PLEKHM1: variants seen among roughly 807,000 people sequenced by gnomAD.
PLEKHM1 encodes the protein pleckstrin homology domain-containing family M member 1.
PLEKHM1 carries 28 observed loss-of-function variants against 94.3 expected under a neutral mutation model. That is an observed-to-expected ratio of 0.30 (90% confidence interval 0.22 to 0.41). The LOEUF (loss-of-function observed/expected upper bound fraction) is 0.41, where lower values mean the gene tolerates loss of function less well. Ranked by LOEUF, PLEKHM1 falls within the 10% of genes least tolerant of loss-of-function variation. The probability of loss-of-function intolerance (pLI) is 1.00; values close to 1 mark genes in which losing one functional copy is unlikely to be tolerated. For missense variants in PLEKHM1, 907 were observed against 1,358.6 expected (o/e 0.67, Z 5.22); for synonymous variants, 424 against 581.2 (o/e 0.73, Z 3.89).
intron 4 of PLEKHM1, among the ~76,000 whole-genome samples, chr17:45,471,094 CA>C (rs1384811627): frequency 6.6e-6 from 1 of 152,080 alleles, no homozygotes; most frequent in Non-Finnish European, 1.5e-5. Context: ...TACAAATCAA[CA>C]ATAAAAAGAC....
chr17:45,436,873 C>T lies in PLEKHM1; in HGVS notation c.*985G>A, dbSNP rs2050273700. ...ACAGTGCAGGGCGTGGCTGCCTGCCCTCTCTGGGGTCCTGCCTATCTGTGC... is the reference window on the plus strand; with the variant it reads ...ACAGTGCAGGGCGTGGCTGCCTGCCTTCTCTGGGGTCCTGCCTATCTGTGC... On this transcript the variant is annotated 3_prime_UTR_variant, in exon 12 of 12. Coordinates refer to ENST00000430334, the MANE Select transcript of PLEKHM1 (RefSeq NM_014798.3). The T allele has an allele frequency of 2.2e-6, 1 of 453,106 alleles. No homozygotes were observed. The highest frequency in any genetic ancestry group is 2.0e-5 in the African/African-American group (1 of 49,990). The allele number at this position is 453,106 out of a possible 1,614,324, so 28.1% of individuals were successfully genotyped here. A position where few individuals can be genotyped will look rare whatever the true frequency, so the allele number is the denominator to read the frequency against.
chr17:45,443,931 G>T (rs2050524640), intron 9 of PLEKHM1, among the ~76,000 whole-genome samples: 1 of 152,106 alleles, frequency 6.6e-6, no homozygotes, highest in African/African-American at 2.4e-5. Context: ...CCACATGGTG[G>T]TCCCTGGAAG....
chr17:45,442,470 A>T (rs1254106637), intron 9 of PLEKHM1, among the ~76,000 whole-genome samples: 2 of 152,012 alleles, frequency 1.3e-5, no homozygotes, highest in Admixed American at 1.3e-4. Context: ...CAGTGGCGTG[A>T]TCTTGGCTCA....
intron 5 of PLEKHM1, among the ~76,000 whole-genome samples, chr17:45,464,665 A>G (rs73984401): frequency 6.6e-5 from 10 of 152,130 alleles, no homozygotes; most frequent in African/African-American, 2.2e-4. Context: ...AGATTCTCAC[A>G]TCGGATTCAG....
chr17:45,475,217 T>C lies in PLEKHM1; in HGVS notation c.806A>G (p.Asp269Gly), dbSNP rs780629300. Residue 269 changes from aspartate (D) to glycine (G), a missense_variant, in exon 4 of 12, where the codon GAT becomes GGT. By Grantham distance (94) the Asp-to-Gly change is moderately conservative. Around this residue, in one of 3 missense-constraint regions of PLEKHM1, gnomAD observed 477 missense variants for 601.5 expected, o/e 0.79. Coordinates refer to ENST00000430334, the MANE Select transcript of PLEKHM1 (RefSeq NM_014798.3). ...SSQLSCSLNS[D>G]SCLLQENGSK... ...GCCATTCTCTTGGAGTAAGCAGCTA[T>C]CAGAGTTTAGGCTGCAGGACAGCTG... 1.2e-6 allele frequency: 2 copies of C among 1,613,934 alleles called. No individual in the cohort carries two copies. The highest frequency in any genetic ancestry group is 1.1e-5 in the South Asian group (1 of 91,080).
rs966203466 is a variant in PLEKHM1, at chr17:45,437,632, G to C, written c.*226C>G. ...CTGCCCCAGACAGGGAGCATCTGGT[G>C]GTGGCCACGCCTCCTGCAGCAGAGG... On this transcript the variant is annotated 3_prime_UTR_variant, in exon 12 of 12. Coordinates refer to ENST00000430334, the MANE Select transcript of PLEKHM1 (RefSeq NM_014798.3). This position sits in a 1 kb window ranked among gnomAD's most constrained non-coding sequence, Gnocchi z 4.0. The C allele has an allele frequency of 1.5e-6, 1 of 677,752 alleles. No individual in the cohort carries two copies. Among genetic ancestry groups the C allele is most frequent in the African/African-American group, 1.8e-5 (1 of 56,586 alleles). 42.0% of individuals were successfully genotyped at this position (677,752 alleles called of 1,614,324 possible). A position where few individuals can be genotyped will look rare whatever the true frequency, so the allele number is the denominator to read the frequency against.
At position 45,437,079 on chromosome 17, in the gene PLEKHM1, C is replaced by T. The variant is rs1259102584; in HGVS notation, c.*779G>A. 6.6e-6 allele frequency: 3 copies of T among 454,394 alleles called. No individual in the cohort carries two copies. Among genetic ancestry groups the T allele is most frequent in the East Asian group, 6.9e-5 (1 of 14,410 alleles). 28.1% of individuals were successfully genotyped at this position (454,394 alleles called of 1,614,324 possible). On this transcript the variant is annotated 3_prime_UTR_variant, in exon 12 of 12. Transcript: ENST00000430334. This position sits in a 1 kb window ranked among gnomAD's most constrained non-coding sequence, Gnocchi z 4.0. The stretch of plus-strand genomic sequence containing the variant: ...TCAAAGTGCTGACAGTGCTGGTTTC[C>T]AGTCATTTCTCCTTCTCCTAATGGG...
At position 45,475,726 on chromosome 17, in the gene PLEKHM1, T is replaced by C. The variant is rs907341102; in HGVS notation, c.297A>G (p.Lys99=). 5.0e-6 allele frequency: 8 copies of C among 1,602,354 alleles called. No homozygotes were observed. The highest frequency in any genetic ancestry group is 1.3e-5 in the African/African-American group (1 of 74,554). Residue 99 remains lysine (K), a splice_region_variant and synonymous_variant, in exon 4 of 12, where the codon AAA becomes AAG. Transcript: ENST00000430334. ...GGTGCTCCAACTCTGAGATGATGTG[T>C]CTGGGAAGGGAGAACAGACGTGTTT... The part of the protein sequence containing the change: ...FWPLLKAVTH[K]HIISELEHLT...
chr17:45,488,652 C>T (rs1043618268), intron 1 of PLEKHM1, among the ~76,000 whole-genome samples: 6 of 152,162 alleles, frequency 3.9e-5, no homozygotes, highest in Non-Finnish European at 1.5e-5. Flanking sequence ...TTTAAAACTG[C>T]AATCAGCCAG....
chr17:45,486,023 T>C (rs1181980532), intron 1 of PLEKHM1, among the ~76,000 whole-genome samples: 1 of 150,318 alleles, frequency 6.7e-6, no homozygotes, highest in African/African-American at 2.4e-5. Flanking sequence ...GAGACCATCC[T>C]GGCTAACACG....
Position 45,437,803 on chromosome 17 carries a change from G to T in PLEKHM1, c.*55C>A. ...CCTGGGCTGATGGCAAACCCAGCCG[G>T]GATGGCTGAGCCACACTCACCCCCG... On this transcript the variant is annotated 3_prime_UTR_variant, in exon 12 of 12. Coordinates refer to ENST00000430334, the MANE Select transcript of PLEKHM1 (RefSeq NM_014798.3). The surrounding 1 kb of genome is among the most constrained non-coding windows in gnomAD (Gnocchi z 4.0). The T allele has an allele frequency of 7.2e-7, 1 of 1,382,398 alleles. No individual in the cohort carries two copies. The highest frequency in any genetic ancestry group is 1.0e-6 in the Non-Finnish European group (1 of 968,866). The allele number at this position is 1,382,398 out of a possible 1,614,324, so 85.6% of individuals were successfully genotyped here.
chr17:45,451,630 G>T (rs1241877544), intron 7 of PLEKHM1, among the ~76,000 whole-genome samples: 1 of 151,998 alleles, frequency 6.6e-6, no homozygotes, highest in Non-Finnish European at 1.5e-5. Flanking sequence ...ATGAGACAAG[G>T]TTCTGCAAGT....
rs750352207 is a variant in PLEKHM1, at chr17:45,439,637, G to C, written c.2902-3C>G. The C allele has an allele frequency of 6.2e-7, 1 of 1,613,792 alleles. No homozygotes were observed. Among genetic ancestry groups the C allele is most frequent in the Non-Finnish European group, 8.5e-7 (1 of 1,179,936 alleles). On this transcript the variant is annotated splice_polypyrimidine_tract_variant and splice_region_variant and intron_variant, in intron 10 of 11. Coordinates refer to ENST00000430334, the MANE Select transcript of PLEKHM1 (RefSeq NM_014798.3). ...CCTTCATACACCCCGTCTGCGATCT[G>C]CGGAGGGCAAGTAGGAATCCTTCAT...
rs186851468 is a variant in PLEKHM1 at position 45,477,304 on chromosome 17, C to T, written c.296+596G>A. 1.3e-4 allele frequency: 22 copies of T among 174,698 alleles called. No individual in the cohort carries two copies. The East Asian group carries it at 2.8e-3, about 22-fold the overall frequency. 10.8% of individuals were successfully genotyped at this position (174,698 alleles called of 1,614,324 possible). On this transcript the variant is annotated intron_variant, in intron 3 of 11. Coordinates refer to ENST00000430334, the MANE Select transcript of PLEKHM1 (RefSeq NM_014798.3). ...CAAAAATTAGCTGGGCGTGATGGTG[C>T]GCGCCTGTTGTCCCAGTTACTCAGG...
chr17:45,440,172 G>A lies in PLEKHM1; in HGVS notation c.2892C>T (p.Asp964=). The A allele has an allele frequency of 2.5e-6, 4 of 1,613,856 alleles. No individual in the cohort carries two copies. Among genetic ancestry groups the A allele is most frequent in the East Asian group, 2.2e-5 (1 of 44,886 alleles). The change falls in exon 10 of 12, where the codon GAC becomes GAT. Residue 964 remains aspartate, a synonymous_variant. Transcript: ENST00000430334. ...LESPHRFSVA[D]LQQIADGVYE... is the part of the protein sequence containing the mutation. ...AGCATGACACTCTTACCTGTTGGAG[G>A]TCAGCAACACTGAACCTATGCGGAG...
chr17:45,439,887 C>A, intron 10 of PLEKHM1: 1 of 646,510 alleles, frequency 1.5e-6, no homozygotes, highest in Non-Finnish European at 2.8e-6. Context: ...GACCCAAATT[C>A]ACTGTACCCT....
intron 1 of PLEKHM1, among the ~76,000 whole-genome samples, chr17:45,489,716 C>T (rs2868675): frequency 2.0e-5 from 3 of 152,030 alleles, no homozygotes; most frequent in East Asian, 1.9e-4. Context: ...TCTGTAACTG[C>T]GGGTCTGAGT....
rs143050885 is a variant in PLEKHM1, at chr17:45,453,990, C to T, written c.1862G>A (p.Arg621Gln). The T allele has an allele frequency of 2.0e-5, 33 of 1,613,858 alleles. No individual in the cohort carries two copies. The East Asian group carries it at 3.8e-4, about 19-fold the overall frequency. The change falls in exon 7 of 12, where the codon CGG (arginine) becomes CAG (glutamine). Residue 621 changes from arginine (R) to glutamine (Q), a missense_variant. By Grantham distance (43) the Arg-to-Gln change is conservative. Around this residue, in one of 3 missense-constraint regions of PLEKHM1, gnomAD observed 477 missense variants for 601.5 expected, o/e 0.79. Coordinates refer to ENST00000430334, the MANE Select transcript of PLEKHM1 (RefSeq NM_014798.3). The surrounding 1 kb of genome is among the most constrained non-coding windows in gnomAD (Gnocchi z 4.1). The part of the protein sequence containing the change: ...DEAEDWLDRV[R>Q]EALQKVRPQQ... ...AGGCCGGACCTTCTGCAGGGCCTCC[C>T]GCACCCGGTCCAGCCAGTCCTCAGC... is the stretch of plus-strand genomic sequence containing the variant.
intron 1 of PLEKHM1, among the ~76,000 whole-genome samples, chr17:45,483,172 C>T (rs560782385): frequency 2.0e-5 from 3 of 151,964 alleles, no homozygotes; most frequent in Non-Finnish European, 4.4e-5. Flanking sequence ...GAGGTCTCAT[C>T]GCAGTTTGCC....
Sources: gnomAD v4.1 joint callset for allele counts (sites outside exome capture counted in the v4.1 genomes callset) on GRCh38, gnomAD v4.1.1 for gene constraint, gnomAD v4.1.1 regional missense constraint, Gnocchi (gnomAD v3.1) non-coding constraint, MANE v1.5 for transcripts, NCBI Gene and HGNC (gene_info 2026-07-23, HGNC 2026-07-21) for gene names.